Variants in PRIM2 observed in about 807,000 individuals in gnomAD.
PRIM2 encodes DNA primase large subunit.
A neutral mutation model predicts 67.3 loss-of-function variants in PRIM2; 39 were observed. The ratio of observed to expected loss-of-function variants is 0.58; its 90% CI spans 0.45 to 0.76. The LOEUF (loss-of-function observed/expected upper bound fraction) is 0.76, where lower values mean the gene tolerates loss of function less well. PRIM2 is among the 30% of genes least tolerant of loss of function. The pLI is 0.00. For synonymous variants in PRIM2, 143 were observed against 198.7 expected (o/e 0.72, Z 2.36); for missense variants, 398 against 598.7 (o/e 0.66, Z 3.50).
rs1777112159 is a variant in PRIM2 at position 57,635,808 on chromosome 6, G to T, written c.1299+3607G>T. Among the ~76,000 whole-genome samples, 10 of 152,236 alleles carry T rather than the reference G, an allele frequency of 6.6e-5. No homozygotes were observed. In the South Asian group the frequency reaches 1.9e-3, roughly 28 times the overall value. ...GATCACTGCAATAGCTTCCTAACTCGTTTCCCAGCATCTACACATGCCCCA... is the reference window on the plus strand; with the variant it reads ...GATCACTGCAATAGCTTCCTAACTCTTTTCCCAGCATCTACACATGCCCCA... On this transcript the variant is annotated intron_variant, in intron 13 of 13. Transcript: ENST00000615550.
intron 11 of PRIM2, among the ~76,000 whole-genome samples, chr6:57,604,716 AGTCT>A (rs1234160835): frequency 1.3e-5 from 2 of 150,146 alleles, no homozygotes; most frequent in Non-Finnish European, 3.0e-5. Flanking sequence ...TTTGAGACAG[AGTCT>A]CACTCTGTTT....
At chr6:57,401,998 A>G (rs1770727745) in intron 7 of PRIM2, among the ~76,000 whole-genome samples, 2 of 152,144 alleles carry the variant, frequency 1.3e-5, no homozygotes, top group Admixed American at 1.3e-4. Flanking sequence ...CTGTCCAGGG[A>G]GTTGCAGAGC....
At chr6:57,449,250 AG>A (rs1451938370) in intron 7 of PRIM2, among the ~76,000 whole-genome samples, 1 of 152,196 alleles carries the variant, frequency 6.6e-6, no homozygotes, top group Non-Finnish European at 1.5e-5. Flanking sequence ...CCCTAGGTGC[AG>A]AATTTGAATC....
chr6:57,565,437 G>A (rs1478076610), intron 10 of PRIM2, among the ~76,000 whole-genome samples: 11 of 148,130 alleles, frequency 7.4e-5, no homozygotes, highest in South Asian at 4.5e-4. Context: ...CTGGAGACTC[G>A]GGAAAGCCAG....
At chr6:57,466,478 C>T (rs1773195940) in intron 7 of PRIM2, among the ~76,000 whole-genome samples, 1 of 152,220 alleles carries the variant, frequency 6.6e-6, no homozygotes, top group Non-Finnish European at 1.5e-5. Flanking sequence ...TCCTCTCCAG[C>T]ATCTGTTGTT....
intron 7 of PRIM2, among the ~76,000 whole-genome samples, chr6:57,458,572 C>A (rs1339626208): frequency 6.6e-6 from 1 of 152,140 alleles, no homozygotes; most frequent in African/African-American, 2.4e-5. Flanking sequence ...GTAATCCCAG[C>A]TACTCTGGAG....
intron 5 of PRIM2, among the ~76,000 whole-genome samples, chr6:57,333,882 T>C (rs1768136958): frequency 6.6e-6 from 1 of 152,206 alleles, no homozygotes; most frequent in Non-Finnish European, 1.5e-5. Flanking sequence ...AATTAACAAA[T>C]GTATTACATC....
chr6:57,245,049 T>C, the PRIM2 span, among the ~76,000 whole-genome samples: 1 of 152,148 alleles, frequency 6.6e-6, no homozygotes, highest in Non-Finnish European at 1.5e-5. Flanking sequence ...CTGCCCTTCC[T>C]CCACGAGTCC....
intron 12 of PRIM2, among the ~76,000 whole-genome samples, chr6:57,616,250 T>C (rs1219218700): frequency 6.6e-6 from 1 of 152,250 alleles, no homozygotes; most frequent in Non-Finnish European, 1.5e-5. Context: ...ACAAATAAAC[T>C]GTATCTCATT....
At chr6:57,560,751 G>T (rs1755035201) in intron 10 of PRIM2, among the ~76,000 whole-genome samples, 1 of 151,972 alleles carries the variant, frequency 6.6e-6, no homozygotes, top group African/African-American at 2.4e-5. Flanking sequence ...ATTTTGTAAG[G>T]AATCCTTTTA....
chr6:57,462,724 C>T (rs1773048790), intron 7 of PRIM2, among the ~76,000 whole-genome samples: 1 of 152,144 alleles, frequency 6.6e-6, no homozygotes, highest in South Asian at 2.1e-4. Context: ...TGTGATATGG[C>T]TAATGTGCGA....
chr6:57,345,661 T>C (rs1350811495), intron 5 of PRIM2, among the ~76,000 whole-genome samples: 1 of 152,142 alleles, frequency 6.6e-6, no homozygotes, highest in Non-Finnish European at 1.5e-5. Flanking sequence ...GGTTCTTGGA[T>C]CTTGTGCAAG....
chr6:57,353,105 A>G (rs1448509696), intron 5 of PRIM2, among the ~76,000 whole-genome samples: 2 of 146,438 alleles, frequency 1.4e-5, no homozygotes, highest in African/African-American at 5.2e-5. Context: ...TAGACTGTCA[A>G]TTCCTTGTCT....
At chr6:57,479,297 A>G (rs1773556228) in intron 7 of PRIM2, among the ~76,000 whole-genome samples, 1 of 152,190 alleles carries the variant, frequency 6.6e-6, no homozygotes, top group Non-Finnish European at 1.5e-5. Context: ...TTATATAGTA[A>G]TCCATTTGAA....
chr6:57,325,426 G>C (rs2127274778), intron 4 of PRIM2, among the ~76,000 whole-genome samples: 1 of 151,534 alleles, frequency 6.6e-6, no homozygotes, highest in South Asian at 2.1e-4. Context: ...TCAGCCTCCT[G>C]AGGAGCTGGG....
chr6:57,646,678 A>G lies in PRIM2; in HGVS notation c.*520A>G, dbSNP rs1234693571. 6.6e-6 allele frequency: 1 copy of G among 152,364 alleles called. No homozygotes were observed. The highest frequency in any genetic ancestry group is 1.5e-5 in the Non-Finnish European group (1 of 68,210). 9.4% of individuals were successfully genotyped at this position (152,364 alleles called of 1,614,324 possible). ...GGAGGAGTTTCTATTAAAATCTGTC[A>G]CTTGAGTGATGTCATTTAAGTCCTA... is the stretch of plus-strand genomic sequence containing the variant. On this transcript the variant is annotated 3_prime_UTR_variant, in exon 14 of 14. Transcript: ENST00000615550.
At chr6:57,586,110 T>TA (rs1183862135) in intron 10 of PRIM2, among the ~76,000 whole-genome samples, 95 of 152,084 alleles carry the variant, frequency 6.2e-4, no homozygotes, top group Non-Finnish European at 1.2e-3. Flanking sequence ...GAGATAACTT[T>TA]AAAAAAGGAG....
At chr6:57,468,483 T>C (rs1328186024) in intron 7 of PRIM2, among the ~76,000 whole-genome samples, 1 of 152,180 alleles carries the variant, frequency 6.6e-6, no homozygotes, top group African/African-American at 2.4e-5. Context: ...TGAAGCCAAG[T>C]TTATTGTGCT....
chr6:57,392,193 G>C (rs1205553765), intron 7 of PRIM2, among the ~76,000 whole-genome samples: 5 of 152,052 alleles, frequency 3.3e-5, no homozygotes, highest in African/African-American at 1.2e-4. Context: ...TTGGTGTATA[G>C]GAATGCTAGC....
Sources: allele counts gnomAD v4.1 joint callset (sites outside exome capture counted in the v4.1 genomes callset), GRCh38; gene constraint gnomAD v4.1.1; transcripts MANE v1.5; gene names NCBI Gene and HGNC (gene_info 2026-07-23, HGNC 2026-07-21).